The following MRRF variants were observed in gnomAD, a reference collection of about 807,000 sequenced individuals.
MRRF encodes the protein ribosome-recycling factor, mitochondrial.
A neutral mutation model predicts 25.1 loss-of-function variants in MRRF; 18 were observed. The ratio of observed to expected loss-of-function variants is 0.72; its 90% CI spans 0.50 to 1.06. MRRF has a LOEUF of 1.06. Among genes scored for constraint, MRRF ranks in the 50% least tolerant of loss-of-function variants. The probability of loss-of-function intolerance (pLI) is 0.00; values close to 1 mark genes in which losing one functional copy is unlikely to be tolerated. For missense variants in MRRF, 323 were observed against 319.3 expected (o/e 1.01, Z -0.09); for synonymous variants, 113 against 112.1 (o/e 1.01, Z -0.05).
At chr9:122,289,652 TTTC>T (rs1833632222) in intron 4 of MRRF, among the ~76,000 whole-genome samples, 1 of 152,158 alleles carries the variant, frequency 6.6e-6, no homozygotes, top group African/African-American at 2.4e-5. Flanking sequence ...ATTAATTTTA[TTTC>T]TTTTTTCAGC....
intron 2 of MRRF, among the ~76,000 whole-genome samples, chr9:122,276,253 A>G (rs1832764376): frequency 6.6e-6 from 1 of 152,030 alleles, no homozygotes; most frequent in African/African-American, 2.4e-5. Flanking sequence ...TAAGGTTAGA[A>G]GTTTCTGTCT....
rs971088459 is a variant in MRRF, at chr9:122,322,017, G to A, written c.712-523G>A. On this transcript the variant is annotated intron_variant, in intron 6 of 6. Transcript: ENST00000344641. ...CCTCAGTTTTCCTATCTGCAAAATG[G>A]GGATAATAATAGTATCTATCTTATG... 6.6e-5 allele frequency among the ~76,000 whole-genome samples: 10 copies of A among 152,190 alleles called. No homozygotes were observed. In the East Asian group the frequency reaches 7.7e-4, roughly 12 times the overall value.
chr9:122,310,764 G>A (rs1835154954), intron 5 of MRRF, among the ~76,000 whole-genome samples: 1 of 152,128 alleles, frequency 6.6e-6, no homozygotes, highest in Admixed American at 6.5e-5. Context: ...AACTTAAAGT[G>A]GGTACTCAGA....
At chr9:122,303,432 C>T (rs1054368235) in intron 5 of MRRF, among the ~76,000 whole-genome samples, 3 of 149,976 alleles carry the variant, frequency 2.0e-5, no homozygotes, top group Non-Finnish European at 4.4e-5. Context: ...CACTCAGGCT[C>T]GAGTACAGTG....
intron 6 of MRRF, among the ~76,000 whole-genome samples, chr9:122,321,007 T>A (rs563557143): frequency 1.3e-5 from 2 of 152,230 alleles, no homozygotes; most frequent in Non-Finnish European, 2.9e-5. Context: ...TTGGAAAATA[T>A]AGAAAAGCAC....
intron 6 of MRRF, among the ~76,000 whole-genome samples, chr9:122,314,092 A>G (rs758473053): frequency 1.3e-5 from 2 of 152,176 alleles, no homozygotes; most frequent in Non-Finnish European, 2.9e-5. Context: ...CTGTGCATCT[A>G]TATTAGTCAT....
intron 4 of MRRF, among the ~76,000 whole-genome samples, chr9:122,286,342 C>T (rs1441286286): frequency 2.6e-5 from 4 of 152,210 alleles, no homozygotes; most frequent in Non-Finnish European, 5.9e-5. Context: ...GGGCCAGGCA[C>T]ACCTGTGGGT....
At chr9:122,290,043 G>A (rs1287465721) in intron 4 of MRRF, among the ~76,000 whole-genome samples, 34 of 146,020 alleles carry the variant, frequency 2.3e-4, no homozygotes, top group Non-Finnish European at 4.8e-4. Context: ...GACAGAGTGA[G>A]ACCCTGTCTC....
At chr9:122,290,133 G>T (rs1833674197) in intron 4 of MRRF, among the ~76,000 whole-genome samples, 1 of 152,154 alleles carries the variant, frequency 6.6e-6, no homozygotes, top group African/African-American at 2.4e-5. Flanking sequence ...TGAGCTTGGG[G>T]ATCTGGAAAA....
chr9:122,312,134 A>G, intron 5 of MRRF, among the ~76,000 whole-genome samples: 1 of 152,208 alleles, frequency 6.6e-6, no homozygotes, highest in Non-Finnish European at 1.5e-5. Context: ...AATAGATTAC[A>G]AGAGTAAAAA....
chr9:122,270,224 T>C (rs2119025846), intron 1 of MRRF, among the ~76,000 whole-genome samples: 1 of 152,344 alleles, frequency 6.6e-6, no homozygotes, highest in South Asian at 2.1e-4. Context: ...ATGGCATCTT[T>C]CCATGGTCAA....
intron 2 of MRRF, among the ~76,000 whole-genome samples, chr9:122,274,323 CT>C (rs1832642363): frequency 6.6e-6 from 1 of 152,130 alleles, no homozygotes; most frequent in Admixed American, 6.6e-5. Context: ...TGTTCTCATG[CT>C]GCTATGAAGA....
Position 122,322,735 on chromosome 9 carries a change from A to G in MRRF, c.*118A>G, listed in dbSNP as rs1835966115. 1.1e-6 allele frequency: 1 copy of G among 906,820 alleles called. No homozygotes were observed. The highest frequency in any genetic ancestry group is 2.6e-5 in the East Asian group (1 of 38,558). The allele number at this position is 906,820 out of a possible 1,614,324, so 56.2% of individuals were successfully genotyped here. A position where few individuals can be genotyped will look rare whatever the true frequency, so the allele number is the denominator to read the frequency against. On this transcript the variant is annotated 3_prime_UTR_variant, in exon 7 of 7. Coordinates refer to ENST00000344641, the MANE Select transcript of MRRF (RefSeq NM_138777.5). ...AGAAGACTGTCACCATGCTGACAGA[A>G]GCCTGTCCTTGTAAGGCCCAGCCTT...
chr9:122,278,187 T>G (rs893717368), intron 2 of MRRF, among the ~76,000 whole-genome samples: 3 of 152,164 alleles, frequency 2.0e-5, no homozygotes, highest in African/African-American at 7.2e-5. Flanking sequence ...TACTTTTAAT[T>G]TATTATTGTT....
rs182185522 is a variant in MRRF, at chr9:122,326,827, T to C, written c.*4210T>C. 18 of 152,302 alleles carry C rather than the reference T, an allele frequency of 1.2e-4. No homozygotes were observed. Among genetic ancestry groups the C allele is most frequent in the Non-Finnish European group, 1.8e-4 (12 of 68,020 alleles). 9.4% of individuals were successfully genotyped at this position (152,302 alleles called of 1,614,324 possible). The stretch of plus-strand genomic sequence containing the variant: ...TGAATCCTTGTTAATGTAGGTGTTA[T>C]GATTATCTGTGTTTTTCTGTGAAAA... On this transcript the variant is annotated 3_prime_UTR_variant, in exon 7 of 7. Coordinates refer to ENST00000344641, the MANE Select transcript of MRRF (RefSeq NM_138777.5).
At chr9:122,321,292 T>C (rs558477707) in intron 6 of MRRF, among the ~76,000 whole-genome samples, 14 of 152,238 alleles carry the variant, frequency 9.2e-5, no homozygotes, top group Non-Finnish European at 1.9e-4. Context: ...TGAGCGTGTT[T>C]CCATGATATG....
At chr9:122,290,021 T>TC (rs1248378174) in intron 4 of MRRF, among the ~76,000 whole-genome samples, 1 of 147,616 alleles carries the variant, frequency 6.8e-6, no homozygotes, top group Non-Finnish European at 1.5e-5. Flanking sequence ...GCCACTGCCC[T>TC]CAAGCCTGAG....
In MRRF at chr9:122,265,013, G is replaced by A. The variant is rs186287063; in HGVS notation, c.-29+75G>A. 6.4e-4 allele frequency: 98 copies of A among 152,484 alleles called. 1 individual carries two copies. The East Asian group carries it at 7.6e-3, about 12-fold the overall frequency. 9.4% of individuals were successfully genotyped at this position (152,484 alleles called of 1,614,324 possible). A position where few individuals can be genotyped will look rare whatever the true frequency, so the allele number is the denominator to read the frequency against. On this transcript the variant is annotated intron_variant, in intron 1 of 6. Coordinates refer to ENST00000344641, the MANE Select transcript of MRRF (RefSeq NM_138777.5). ...GAGACCCTTACTCAGGGACCTCTGG[G>A]GGACCTCAGGGGACCAGACTACCGT...
intron 4 of MRRF, chr9:122,285,685 C>T (rs778465345): frequency 1.6e-5 from 17 of 1,062,440 alleles, no homozygotes; most frequent in Admixed American, 7.1e-5. Flanking sequence ...CCTGATACTA[C>T]GATTTTTATT....
Sources: gnomAD v4.1 joint callset for allele counts (sites outside exome capture counted in the v4.1 genomes callset) on GRCh38, gnomAD v4.1.1 for gene constraint, MANE v1.5 for transcripts, NCBI Gene and HGNC (gene_info 2026-07-23, HGNC 2026-07-21) for gene names.